The following GRM4 variants were observed in gnomAD, a reference collection of about 807,000 sequenced individuals.
The protein encoded by GRM4 is metabotropic glutamate receptor 4.
A neutral mutation model predicts 81.7 loss-of-function variants in GRM4; 28 were observed. The ratio of observed to expected loss-of-function variants is 0.34; its 90% CI spans 0.25 to 0.47. GRM4 has a LOEUF of 0.47. Ranked by LOEUF, GRM4 falls within the 20% of genes least tolerant of loss-of-function variation. GRM4 has a pLI of 1.00. For missense variants in GRM4, 948 were observed against 1,290.0 expected (o/e 0.73, Z 4.06); for synonymous variants, 488 against 528.8 (o/e 0.92, Z 1.06).
At chr6:34,127,068 CT>C (rs2127507715) in intron 2 of GRM4, among the ~76,000 whole-genome samples, 1 of 152,138 alleles carries the variant, frequency 6.6e-6, no homozygotes, top group East Asian at 1.9e-4. Context: ...ACATAAAGGC[CT>C]TTTTTAGCTC....
At chr6:34,041,176 A>C (rs965177734) in intron 6 of GRM4, among the ~76,000 whole-genome samples, 2 of 152,154 alleles carry the variant, frequency 1.3e-5, no homozygotes, top group Non-Finnish European at 2.9e-5. Flanking sequence ...GACAGGGGCT[A>C]TGTCCATCAA....
rs1764651875 is a variant in GRM4, at chr6:34,035,654, C to G, written c.2442+14G>C. On this transcript the variant is annotated intron_variant, in intron 9 of 10. Transcript: ENST00000538487. The surrounding 1 kb of genome is among the most constrained non-coding windows in gnomAD (Gnocchi z 6.6). The stretch of plus-strand genomic sequence containing the variant: ...TCACCTACCCACCGTCCACCCCCGG[C>G]CCCCACCACTCACCTTGTCGGCCGA... 1.3e-6 allele frequency: 2 copies of G among 1,511,262 alleles called. No homozygotes were observed. Among genetic ancestry groups the G allele is most frequent in the Non-Finnish European group, 1.8e-6 (2 of 1,107,272 alleles). 93.6% of individuals were successfully genotyped at this position (1,511,262 alleles called of 1,614,324 possible).
chr6:34,028,887 C>A (rs917717350), intron 9 of GRM4, among the ~76,000 whole-genome samples: 1 of 152,146 alleles, frequency 6.6e-6, no homozygotes, highest in African/African-American at 2.4e-5. Context: ...TCAATGACTG[C>A]CCCCGCAACG....
intron 9 of GRM4, among the ~76,000 whole-genome samples, chr6:34,033,707 C>T (rs1481477213): frequency 6.6e-6 from 1 of 151,716 alleles, no homozygotes; most frequent in African/African-American, 2.4e-5. Flanking sequence ...CTTTCTCTTT[C>T]TTTCTCTCTC....
intron 5 of GRM4, among the ~76,000 whole-genome samples, chr6:34,057,374 G>A (rs890274703): frequency 8.5e-5 from 13 of 152,224 alleles, no homozygotes; most frequent in African/African-American, 2.9e-4. Flanking sequence ...GCCACGTGGA[G>A]CTTCCTGCCC....
In GRM4 at chr6:34,096,417, C is replaced by A. The variant is rs142841380; in HGVS notation, c.520-4318G>T. Among the ~76,000 whole-genome samples the A allele has an allele frequency of 4.0e-3, 610 of 152,324 alleles. 2 individuals are homozygous for A. The highest frequency in any genetic ancestry group is 0.02 in the Middle Eastern group (6 of 294). On this transcript the variant is annotated intron_variant, in intron 2 of 10. Coordinates refer to ENST00000538487, the MANE Select transcript of GRM4 (RefSeq NM_000841.4). ...TCATCCTCCAGAGGGGGCCTAGCCT[C>A]CCACAGCACTGAATGCGGCTGCCCC...
rs372962596 is a variant in GRM4, at chr6:34,036,270, C to T, written c.1840G>A (p.Asp614Asn). The T allele has an allele frequency of 5.9e-5, 96 of 1,614,026 alleles. No individual in the cohort carries two copies. Among genetic ancestry groups the T allele is most frequent in the Admixed American group, 2.5e-4 (15 of 59,992 alleles). Residue 614 changes from aspartate (D) to asparagine (N), a missense_variant, in exon 9 of 11, where the codon GAC becomes AAC. Asp to Asn is a conservative substitution (Grantham distance 23). Coordinates refer to ENST00000538487, the MANE Select transcript of GRM4 (RefSeq NM_000841.4). This position sits in a 1 kb window ranked among gnomAD's most constrained non-coding sequence, Gnocchi z 9.0. ...FVVITFVRYN[D>N]TPIVKASGRE... ...CCCGAGGCCTTGACGATGGGCGTGT[C>T]GTTGTAGCGCACAAAGGTGATCACC...
intron 2 of GRM4, among the ~76,000 whole-genome samples, chr6:34,113,575 G>A (rs1278504673): frequency 6.6e-6 from 1 of 152,214 alleles, no homozygotes; most frequent in East Asian, 1.9e-4. Context: ...GTTGGGCTGA[G>A]CTTTGAGGAT....
At chr6:34,032,257 T>C (rs1764474605) in intron 9 of GRM4, among the ~76,000 whole-genome samples, 3 of 151,974 alleles carry the variant, frequency 2.0e-5, no homozygotes, top group African/African-American at 7.3e-5. Context: ...ACACCACACA[T>C]GCACCACTGA....
chr6:34,085,131 C>CTG (rs1329925036), intron 3 of GRM4, among the ~76,000 whole-genome samples: 1 of 152,220 alleles, frequency 6.6e-6, no homozygotes, highest in Non-Finnish European at 1.5e-5. Flanking sequence ...ACACTTCACT[C>CTG]TACAGAGTCA....
At chr6:34,029,269 C>G (rs1202239526) in intron 9 of GRM4, among the ~76,000 whole-genome samples, 1 of 152,216 alleles carries the variant, frequency 6.6e-6, no homozygotes, top group African/African-American at 2.4e-5. Flanking sequence ...TCTTTCTGAG[C>G]CTGGGTCCTG....
At chr6:34,044,973 C>T (rs140339381) in intron 6 of GRM4, among the ~76,000 whole-genome samples, 1,535 of 151,936 alleles carry the variant, frequency 0.01, 12 homozygotes, top group Non-Finnish European at 0.015. Context: ...TACACATACA[C>T]GCACACACAG....
At chr6:34,101,201 C>T (rs190066775) in intron 2 of GRM4, among the ~76,000 whole-genome samples, 6 of 152,176 alleles carry the variant, frequency 3.9e-5, no homozygotes, top group South Asian at 2.1e-4. Context: ...CATCATGAGA[C>T]CTAACACTTA....
rs745478278 is a variant in GRM4 at position 34,056,642 on chromosome 6, C to A, written c.1070G>T (p.Arg357Leu). 1.2e-6 allele frequency: 2 copies of A among 1,613,908 alleles called. No individual in the cohort carries two copies. The highest frequency in any genetic ancestry group is 1.7e-6 in the Non-Finnish European group (2 of 1,179,982). ...YFSSRTLDNN[R>L]RNIWFAEFWE... ...GAACTCGGCAAACCAGATGTTGCGC[C>A]GGTTGTTGTCCAGCGTGCGGCTGGA... The change falls in exon 6 of 11, where the codon CGG becomes CTG. Residue 357 changes from arginine to leucine, a missense_variant. Coordinates refer to ENST00000538487, the MANE Select transcript of GRM4 (RefSeq NM_000841.4).
At chr6:34,040,469 C>T (rs1371079581) in intron 7 of GRM4, 79 bp downstream of exon 7, 15 of 1,457,852 alleles carry the variant, frequency 1.0e-5, no homozygotes, top group African/African-American at 2.8e-5. Context: ...CATTCCCACC[C>T]CACAGAGCCT....
At chr6:34,153,404 A>G (rs1771085865) in intron 1 of GRM4, among the ~76,000 whole-genome samples, 1 of 152,208 alleles carries the variant, frequency 6.6e-6, no homozygotes, top group East Asian at 1.9e-4. Context: ...CTCCATCCTC[A>G]GGACTGCTGG....
At chr6:34,032,353 C>A (rs536806127) in intron 9 of GRM4, among the ~76,000 whole-genome samples, 1 of 152,332 alleles carries the variant, frequency 6.6e-6, no homozygotes, top group South Asian at 2.1e-4. Flanking sequence ...CAGCCACACC[C>A]CGCTTGATCT....
intron 3 of GRM4, among the ~76,000 whole-genome samples, chr6:34,079,525 T>C (rs1168318601): frequency 1.3e-5 from 2 of 148,948 alleles, no homozygotes; most frequent in Non-Finnish European, 2.9e-5. Context: ...AACATGTATA[T>C]AGCTAAAAAA....
intron 6 of GRM4, among the ~76,000 whole-genome samples, chr6:34,045,998 C>A (rs754187750): frequency 5.3e-5 from 8 of 152,208 alleles, no homozygotes; most frequent in South Asian, 2.1e-4. Context: ...ACGGCGACTG[C>A]AGCCTTTGTC....
Sources: gnomAD v4.1 joint callset for allele counts (sites outside exome capture counted in the v4.1 genomes callset) on GRCh38, gnomAD v4.1.1 for gene constraint, Gnocchi (gnomAD v3.1) non-coding constraint, MANE v1.5 for transcripts, NCBI Gene and HGNC (gene_info 2026-07-23, HGNC 2026-07-21) for gene names.